OPA1: variants seen among roughly 807,000 people sequenced by gnomAD.
OPA1 encodes the protein OPA1 mitochondrial dynamin like GTPase, also known as dynamin-like GTPase OPA1, mitochondrial.
A neutral mutation model predicts 152.9 loss-of-function variants in OPA1; 59 were observed. That is an observed-to-expected ratio of 0.39 (90% CI 0.31 to 0.48). The LOEUF (loss-of-function observed/expected upper bound fraction) is 0.48. Among genes scored for constraint, OPA1 ranks in the 20% least tolerant of loss-of-function variants. The pLI is 0.96. For synonymous variants in OPA1, 400 were observed against 389.9 expected, an observed-to-expected ratio of 1.03 and a Z score of -0.31; for missense variants, 1,008 against 1,216.8, an observed-to-expected ratio of 0.83 and a Z score of 2.55.
In OPA1 at chr3:193,614,848, C is replaced by G. The variant is rs1209365988; in HGVS notation, c.158C>G (p.Pro53Arg). The G allele has an allele frequency of 6.2e-7, 1 of 1,613,984 alleles. No individual in the cohort carries two copies. The highest frequency in any genetic ancestry group is 1.3e-5 in the African/African-American group (1 of 75,050). ...SHHPTLKLQR[P>R]QLRTSFQQFS... is the part of the protein sequence containing the mutation. ...CATCCTACCTTAAAGCTTCAACGAC[C>G]CCAATTAAGGACATCCTTTCAGCAG... is the stretch of plus-strand genomic sequence containing the variant. The change falls in exon 2 of 31, where the codon CCC becomes CGC. Residue 53 changes from proline (P) to arginine (R), a missense_variant. Physicochemically the swap from Pro to Arg is moderately radical, Grantham distance 103 (BLOSUM62 -2). This residue lies in a region of OPA1 where 408 missense variants were observed against 395.1 expected (regional missense o/e 1.03). Transcript: ENST00000361510.
intron 29 of OPA1, among the ~76,000 whole-genome samples, chr3:193,690,495 T>G (rs983713618): frequency 5.3e-5 from 8 of 151,576 alleles, no homozygotes; most frequent in Non-Finnish European, 1.2e-4. Flanking sequence ...ACCTAGAAGT[T>G]TTAAATTACT....
intron 18 of OPA1, 109 bp from the exon 19 acceptor site, chr3:193,646,956 T>A: frequency 1.4e-6 from 1 of 694,488 alleles, no homozygotes; most frequent in Middle Eastern, 3.1e-4. Flanking sequence ...AGCACTGGTA[T>A]GAAAGGTAAG....
intron 1 of OPA1, among the ~76,000 whole-genome samples, chr3:193,602,442 GT>G (rs1368300121): frequency 2.6e-5 from 4 of 152,172 alleles, no homozygotes; most frequent in Admixed American, 2.0e-4. Context: ...CCTTTACCTG[GT>G]GGAAGTATAC....
At chr3:193,625,264 G>C (rs1730894063) in intron 6 of OPA1, among the ~76,000 whole-genome samples, 1 of 151,708 alleles carries the variant, frequency 6.6e-6, no homozygotes, top group African/African-American at 2.4e-5. Context: ...AAATAGAAAA[G>C]GTGATTTTTT....
At chr3:193,673,128 T>C (rs184309538) in intron 29 of OPA1, among the ~76,000 whole-genome samples, 37 of 152,332 alleles carry the variant, frequency 2.4e-4, no homozygotes, top group Admixed American at 3.9e-4. Context: ...TAGTAGATGC[T>C]GAAGCTGAGA....
intron 24 of OPA1, among the ~76,000 whole-genome samples, 174 bp from the exon 25 acceptor site, chr3:193,659,308 A>G (rs1033342973): frequency 1.3e-5 from 2 of 152,220 alleles, no homozygotes; most frequent in Non-Finnish European, 2.9e-5. Flanking sequence ...AAACACATAT[A>G]TAATTAAACT....
chr3:193,631,868 A>G (rs1301640694), intron 8 of OPA1: 8 of 596,994 alleles, frequency 1.3e-5, no homozygotes, highest in Non-Finnish European at 2.1e-5. Context: ...TAACTCATTT[A>G]TATGTAAAAA....
intron 1 of OPA1, among the ~76,000 whole-genome samples, chr3:193,596,197 CTTTTTT>C (rs558965633): frequency 9.4e-6 from 1 of 106,562 alleles, no homozygotes; most frequent in Non-Finnish European, 1.8e-5. Flanking sequence ...TGTTTTTCAC[CTTTTTT>C]TTTTTTTTTT....
chr3:193,663,540 G>A (rs933394979), intron 26 of OPA1, among the ~76,000 whole-genome samples: 3 of 151,638 alleles, frequency 2.0e-5, no homozygotes, highest in Admixed American at 6.6e-5. Flanking sequence ...AAATACTTTC[G>A]GGCCCACGTT....
intron 1 of OPA1, among the ~76,000 whole-genome samples, chr3:193,596,047 G>A (rs1182107934): frequency 6.6e-6 from 1 of 151,924 alleles, no homozygotes; most frequent in Admixed American, 6.6e-5. Flanking sequence ...AAAACATACT[G>A]CATCTAGAAG....
intron 5 of OPA1, chr3:193,618,554 G>T: frequency 3.2e-6 from 1 of 316,708 alleles, no homozygotes; most frequent in East Asian, 7.2e-5. Flanking sequence ...AGTGGTATGT[G>T]GCTGAACTGT....
intron 1 of OPA1, among the ~76,000 whole-genome samples, chr3:193,599,109 T>C (rs1057357194): frequency 3.4e-4 from 51 of 152,206 alleles, no homozygotes; most frequent in Non-Finnish European, 6.3e-4. Context: ...TCCCCTTACA[T>C]CTGGGTAACT....
chr3:193,614,929 A>G lies in OPA1; in HGVS notation c.239A>G (p.Tyr80Cys), dbSNP rs151103940. The G allele has an allele frequency of 2.4e-4, 383 of 1,613,852 alleles. 2 individuals carry two copies. In the African/African-American group the frequency reaches 4.1e-3, roughly 17 times the overall value. Residue 80 changes from tyrosine to cysteine, a missense_variant, in exon 2 of 31, where the codon TAT becomes TGT. Tyr to Cys is a radical substitution (Grantham distance 194). Coordinates refer to ENST00000361510, the MANE Select transcript of OPA1 (RefSeq NM_130837.3). Reference sequence around the variant, plus strand: ...AAACTGAAATTCTCTCCAATTAAATATGGCTACCAGCCTCGCAGGAATTTT... The same window carrying G: ...AAACTGAAATTCTCTCCAATTAAATGTGGCTACCAGCCTCGCAGGAATTTT... ...LRKLKFSPIK[Y>C]GYQPRRNFWP...
chr3:193,654,836 G>A, intron 21 of OPA1, 26 bp from the exon 22 acceptor site: 2 of 1,609,132 alleles, frequency 1.2e-6, no homozygotes, highest in Non-Finnish European at 1.7e-6. Context: ...TTTAGATTTG[G>A]TGCTTTTGAT....
chr3:193,668,789 G>T, intron 29 of OPA1: 1 of 1,186,634 alleles, frequency 8.4e-7, no homozygotes. Context: ...GTCACTGTTT[G>T]GGGTTGATAT....
chr3:193,668,941 G>T, intron 29 of OPA1: 1 of 866,312 alleles, frequency 1.2e-6, no homozygotes, highest in Non-Finnish European at 1.4e-6. Flanking sequence ...ACCTCTGTTT[G>T]AGCCTGCCTT....
rs140318508 is a variant in OPA1 at position 193,617,456 on chromosome 3, T to A, written c.556+171T>A. 4.5e-3 allele frequency among the ~76,000 whole-genome samples: 684 copies of A among 152,346 alleles called. 4 individuals carry two copies. Among genetic ancestry groups the A allele is most frequent in the African/African-American group, 0.015 (644 of 41,590 alleles). ...AAGTTTTGTTACACAATGGTTTTAA[T>A]CTTTGTGTAGCCCAGTAAAATGACA... On this transcript the variant is annotated intron_variant, in intron 4 of 30. Transcript: ENST00000361510.
chr3:193,645,363 A>G (rs1219614851), intron 16 of OPA1, among the ~76,000 whole-genome samples, 190 bp from the exon 17 acceptor site: 2 of 152,218 alleles, frequency 1.3e-5, no homozygotes. Flanking sequence ...TTTTAATAAT[A>G]CATTTTCAAT....
chr3:193,599,883 A>G (rs765458022), intron 1 of OPA1, among the ~76,000 whole-genome samples: 14 of 152,362 alleles, frequency 9.2e-5, no homozygotes, highest in Non-Finnish European at 1.3e-4. Flanking sequence ...CAGAAAAGGT[A>G]AAGTGACCTA....
Sources: allele counts gnomAD v4.1 joint callset (sites outside exome capture counted in the v4.1 genomes callset), GRCh38; gene constraint gnomAD v4.1.1; regional missense constraint gnomAD v4.1.1; transcripts MANE v1.5; gene names NCBI Gene and HGNC (gene_info 2026-07-23, HGNC 2026-07-21).